RELN: variants seen among roughly 807,000 people sequenced by gnomAD.
RELN encodes the protein reelin.
In RELN, 108 loss-of-function variants were observed where a neutral mutation model predicts 427.6. That is an observed-to-expected ratio of 0.25 (90% CI 0.22 to 0.30). The LOEUF is 0.30. Among genes scored for constraint, RELN ranks in the 10% least tolerant of loss-of-function variants. RELN has a pLI of 1.00. For missense variants in RELN, 3,715 were observed against 4,302.8 expected (o/e 0.86, Z 3.82); for synonymous variants, 1,524 against 1,513.4 (o/e 1.01, Z -0.16).
intron 1 of RELN, among the ~76,000 whole-genome samples, chr7:103,926,820 G>A (rs1584374436): frequency 1.3e-5 from 2 of 151,512 alleles, no homozygotes; most frequent in African/African-American, 4.8e-5. Flanking sequence ...AATTTTTTTT[G>A]TATTTTTAGT....
Position 103,719,696 on chromosome 7 carries a change from C to G in RELN, c.805+3444G>C, listed in dbSNP as rs559979674. On this transcript the variant is annotated intron_variant, in intron 8 of 64. Transcript: ENST00000428762. ...GTTCGGAGGCATCTGTAGGATAACA[C>G]TTTGCAAGGATGTCATCTCAAATTT... Among the ~76,000 whole-genome samples, 30 of 152,308 alleles carry G rather than the reference C, an allele frequency of 2.0e-4. 1 individual carries two copies. Among genetic ancestry groups the G allele is most frequent in the African/African-American group, 7.2e-4 (30 of 41,568 alleles).
At chr7:103,955,787 G>A (rs1019918872) in intron 1 of RELN, among the ~76,000 whole-genome samples, 2 of 152,180 alleles carry the variant, frequency 1.3e-5, no homozygotes, top group Non-Finnish European at 2.9e-5. Context: ...AGATTTTCTG[G>A]TAATTATGCA....
intron 15 of RELN, 40 bp downstream of exon 15, chr7:103,651,621 G>A: frequency 1.3e-6 from 2 of 1,592,640 alleles, no homozygotes; most frequent in South Asian, 2.2e-5. Context: ...TCTGCAACAT[G>A]GATTCAAGTA....
intron 6 of RELN, among the ~76,000 whole-genome samples, chr7:103,744,069 G>T (rs894802413): frequency 2.6e-5 from 4 of 152,124 alleles, no homozygotes; most frequent in African/African-American, 4.8e-5. Flanking sequence ...CTGTCTCTCA[G>T]ACCACAGTGC....
intron 22 of RELN, among the ~76,000 whole-genome samples, 195 bp downstream of exon 22, chr7:103,610,500 C>G (rs1314664470): frequency 6.6e-6 from 1 of 152,118 alleles, no homozygotes; most frequent in Non-Finnish European, 1.5e-5. Flanking sequence ...TTGTTATTAG[C>G]TCTCTTTTTC....
chr7:103,787,496 C>T (rs370045777), intron 3 of RELN, among the ~76,000 whole-genome samples: 12 of 152,056 alleles, frequency 7.9e-5, no homozygotes, highest in East Asian at 7.7e-4. Flanking sequence ...AAATGATAAA[C>T]GGGGTATCAC....
intron 46 of RELN, among the ~76,000 whole-genome samples, 157 bp from the exon 47 acceptor site, chr7:103,523,688 CTTTT>C (rs1021144355): frequency 5.9e-5 from 9 of 152,038 alleles, no homozygotes; most frequent in Non-Finnish European, 1.0e-4. Flanking sequence ...TTCTTCTTTT[CTTTT>C]TTTGAGATGG....
At chr7:103,594,255 T>C (rs1369716988) in intron 26 of RELN, 66 bp downstream of exon 26, 1 of 1,452,970 alleles carries the variant, frequency 6.9e-7, no homozygotes, top group Non-Finnish European at 9.7e-7. Context: ...CTTAAGGAAA[T>C]GAGTTCTTTA....
intron 20 of RELN, among the ~76,000 whole-genome samples, chr7:103,621,971 G>A (rs113806447): frequency 0.04 from 6,138 of 152,200 alleles, 172 homozygotes; most frequent in East Asian, 0.14. Flanking sequence ...AGCTGAGATC[G>A]TGACACTGCA....
At chr7:103,919,125 T>C (rs1795554228) in intron 1 of RELN, among the ~76,000 whole-genome samples, 1 of 148,454 alleles carries the variant, frequency 6.7e-6, no homozygotes, top group Non-Finnish European at 1.5e-5. Flanking sequence ...TGTGAACTGA[T>C]AATCGGTCTT....
At chr7:103,635,315 G>T in intron 19 of RELN, 110 bp downstream of exon 19, 3 of 1,167,412 alleles carry the variant, frequency 2.6e-6, no homozygotes, top group South Asian at 1.4e-5. Context: ...ATCTTTGTGC[G>T]CTCCATCTGT....
chr7:103,981,314 A>T (rs1331902517), intron 1 of RELN, among the ~76,000 whole-genome samples: 2 of 152,238 alleles, frequency 1.3e-5, no homozygotes, highest in East Asian at 1.9e-4. Context: ...TTATCAGTAT[A>T]TAAGAGGTCA....
At chr7:103,936,275 T>G (rs1010193544) in intron 1 of RELN, among the ~76,000 whole-genome samples, 1 of 152,132 alleles carries the variant, frequency 6.6e-6, no homozygotes, top group African/African-American at 2.4e-5. Context: ...GTATTTTTAG[T>G]AGAGATGGCG....
intron 1 of RELN, among the ~76,000 whole-genome samples, chr7:103,976,134 T>C (rs553934641): frequency 7.2e-5 from 11 of 152,156 alleles, no homozygotes; most frequent in Non-Finnish European, 1.5e-4. Context: ...CCATGCTGAA[T>C]ATGTTATCTT....
intron 28 of RELN, among the ~76,000 whole-genome samples, chr7:103,582,195 C>T (rs1831167423): frequency 6.6e-6 from 1 of 152,182 alleles, no homozygotes; most frequent in Admixed American, 6.5e-5. Context: ...TTCAGGATGG[C>T]AGAGCCAACT....
intron 1 of RELN, among the ~76,000 whole-genome samples, chr7:103,952,937 G>A (rs1796363018): frequency 6.6e-6 from 1 of 151,976 alleles, no homozygotes; most frequent in South Asian, 2.1e-4. Context: ...ATAGTCTCTG[G>A]CCTCATTAAA....
intron 3 of RELN, among the ~76,000 whole-genome samples, chr7:103,812,016 G>C (rs1391148372): frequency 1.3e-5 from 2 of 152,192 alleles, no homozygotes; most frequent in South Asian, 4.1e-4. Flanking sequence ...GCTTTGCCTT[G>C]TTGCATCCAT....
At chr7:103,686,709 T>C (rs1450286066) in intron 10 of RELN, among the ~76,000 whole-genome samples, 4 of 152,148 alleles carry the variant, frequency 2.6e-5, no homozygotes, top group Non-Finnish European at 4.4e-5. Context: ...TATTATTGTG[T>C]TTTTCAAGTC....
intron 2 of RELN, among the ~76,000 whole-genome samples, chr7:103,839,187 G>A (rs1448107182): frequency 6.6e-6 from 1 of 151,924 alleles, no homozygotes; most frequent in African/African-American, 2.4e-5. Flanking sequence ...TAATGTCTCT[G>A]GTAGTAACAC....
Sources: allele counts gnomAD v4.1 joint callset (sites outside exome capture counted in the v4.1 genomes callset), GRCh38; gene constraint gnomAD v4.1.1; transcripts MANE v1.5; gene names NCBI Gene and HGNC (gene_info 2026-07-23, HGNC 2026-07-21).